Variants in SENP7 observed in about 807,000 individuals in gnomAD.
The protein encoded by SENP7 is SUMO specific peptidase 7.
In SENP7, 64 loss-of-function variants were observed where a neutral mutation model predicts 141.2. The observed-to-expected ratio is 0.45, with a 90% CI of 0.37 to 0.56. SENP7 has a LOEUF of 0.56. Among genes scored for constraint, SENP7 ranks in the 20% least tolerant of loss-of-function variants. The pLI is 0.00. For synonymous variants in SENP7, 382 were observed against 426.4 expected (o/e 0.90, Z 1.28); for missense variants, 1,025 against 1,212.2 (o/e 0.85, Z 2.29).
intron 3 of SENP7, among the ~76,000 whole-genome samples, chr3:101,487,224 C>T (rs2064766424): frequency 1.3e-5 from 2 of 151,786 alleles, no homozygotes; most frequent in African/African-American, 2.4e-5. Context: ...GACAGAAAGT[C>T]AAAAAAGACA....
chr3:101,372,336 G>C (rs1305361158), intron 6 of SENP7, among the ~76,000 whole-genome samples: 1 of 151,764 alleles, frequency 6.6e-6, no homozygotes, highest in Non-Finnish European at 1.5e-5. Flanking sequence ...GTGTGTTTAG[G>C]GGGAAAAAAA....
chr3:101,451,811 G>T (rs1390130760), intron 4 of SENP7, among the ~76,000 whole-genome samples: 1 of 152,188 alleles, frequency 6.6e-6, no homozygotes, highest in African/African-American at 2.4e-5. Context: ...ACAAGACAGG[G>T]ATGCCCTCTC....
At chr3:101,388,053 G>C (rs1460713351) in intron 6 of SENP7, among the ~76,000 whole-genome samples, 1 of 152,118 alleles carries the variant, frequency 6.6e-6, no homozygotes, top group Non-Finnish European at 1.5e-5. Context: ...ACACCCACTT[G>C]TGCAGTGCTT....
intron 22 of SENP7, 64 bp from the exon 23 acceptor site, chr3:101,327,880 C>T: frequency 7.6e-7 from 1 of 1,321,976 alleles, no homozygotes. Context: ...GCAACATTTT[C>T]AGAAAGGCGG....
intron 4 of SENP7, chr3:101,457,178 C>A: frequency 2.6e-6 from 3 of 1,149,126 alleles, no homozygotes; most frequent in South Asian, 1.2e-5. Context: ...AAAAAGTAGT[C>A]ATAATATAAA....
rs1040606060 is a variant in SENP7 at position 101,437,038 on chromosome 3, T to C, written c.285-19248A>G. On this transcript the variant is annotated intron_variant, in intron 4 of 23. Transcript: ENST00000394095. ...ATATACAATGGAGTATATTCAGCCA[T>C]AAAAGAAAATGAGATTCAATCATGT... 2.0e-5 allele frequency among the ~76,000 whole-genome samples: 3 copies of C among 152,248 alleles called. No homozygotes were observed. The East Asian group carries it at 5.8e-4, about 29-fold the overall frequency.
rs772959345 is a variant in SENP7 at position 101,366,756 on chromosome 3, T to C, written c.992A>G (p.Asp331Gly). The stretch of plus-strand genomic sequence containing the variant: ...AAACTCAGTGGATATTGTTGAGTCA[T>C]CTTCTTGTTTTTTCTAAACATAAAC... ...KSTEQTKKQE[D>G]DSTISTEFEK... Residue 331 changes from aspartate (D) to glycine (G), a missense_variant, in exon 9 of 24, where the codon GAT (aspartate) becomes GGT (glycine). Coordinates refer to ENST00000394095, the MANE Select transcript of SENP7 (RefSeq NM_020654.5). The C allele has an allele frequency of 6.3e-6, 10 of 1,580,248 alleles. 1 individual carries two copies. The highest frequency in any genetic ancestry group is 4.6e-5 in the South Asian group (4 of 86,100).
rs757165698 is a variant in SENP7, at chr3:101,501,152, G to A, written c.41-33C>T. ...AACCAAAGACGTGGTAAAAATTATC[G>A]TTTAACATCTAAATGAGATAAACAG... On this transcript the variant is annotated intron_variant, in intron 1 of 23. Coordinates refer to ENST00000394095, the MANE Select transcript of SENP7 (RefSeq NM_020654.5). 31 of 1,441,254 alleles carry A rather than the reference G, an allele frequency of 2.2e-5. No individual in the cohort carries two copies. The East Asian group carries it at 2.5e-4, about 12-fold the overall frequency. The allele number at this position is 1,441,254 out of a possible 1,614,324, so 89.3% of individuals were successfully genotyped here.
At chr3:101,502,883 T>C (rs2065446101) in intron 1 of SENP7, among the ~76,000 whole-genome samples, 1 of 151,264 alleles carries the variant, frequency 6.6e-6, no homozygotes, top group African/African-American at 2.4e-5. Context: ...AACACTGCAT[T>C]CCAGCCTGGG....
At chr3:101,449,969 T>C (rs4683906) in intron 4 of SENP7, among the ~76,000 whole-genome samples, 60,294 of 151,876 alleles carry the variant, frequency 0.4, 12,474 homozygotes, top group Admixed American at 0.54. Flanking sequence ...AGGAAACCCA[T>C]TTCACGTGCA....
At chr3:101,369,767 G>A (rs919922614) in intron 7 of SENP7, among the ~76,000 whole-genome samples, 1 of 152,136 alleles carries the variant, frequency 6.6e-6, no homozygotes, top group African/African-American at 2.4e-5. Context: ...TATCAGTCAA[G>A]CCTGTCTCAT....
chr3:101,441,314 C>A (rs1490651640), intron 4 of SENP7, among the ~76,000 whole-genome samples: 4 of 152,178 alleles, frequency 2.6e-5, no homozygotes, highest in African/African-American at 9.7e-5. Context: ...CTACAGCCAA[C>A]ACCCATGCAC....
At chr3:101,432,372 C>T (rs1398953208) in intron 4 of SENP7, among the ~76,000 whole-genome samples, 1 of 152,212 alleles carries the variant, frequency 6.6e-6, no homozygotes, top group East Asian at 1.9e-4. Flanking sequence ...TCTTGCCATC[C>T]TGAAGGGAAG....
At chr3:101,345,921 A>G (rs1010407283) in intron 13 of SENP7, among the ~76,000 whole-genome samples, 4 of 152,230 alleles carry the variant, frequency 2.6e-5, no homozygotes, top group African/African-American at 9.6e-5. Flanking sequence ...AATAGGTGGG[A>G]CTTAATTAAA....
chr3:101,347,998 C>G lies in SENP7; in HGVS notation c.1711G>C (p.Gly571Arg), dbSNP rs767893281. The G allele has an allele frequency of 6.2e-7, 1 of 1,611,484 alleles. No homozygotes were observed. The highest frequency in any genetic ancestry group is 8.5e-7 in the Non-Finnish European group (1 of 1,178,680). Residue 571 changes from glycine to arginine, a missense_variant, in exon 13 of 24, where the codon GGG (glycine) becomes CGG (arginine). Coordinates refer to ENST00000394095, the MANE Select transcript of SENP7 (RefSeq NM_020654.5). ...TTATCATCCTTACTTTTCCATAACC[C>G]AAACCGCTTTAAATGTGTGGTATCC... The part of the protein sequence containing the change: ...LVDTTHLKRF[G>R]LWKSKDDNHS...
At chr3:101,385,150 G>A (rs946530571) in intron 6 of SENP7, among the ~76,000 whole-genome samples, 1 of 152,044 alleles carries the variant, frequency 6.6e-6, no homozygotes, top group African/African-American at 2.4e-5. Context: ...GTGTGTGTGT[G>A]CATGTGTGTG....
At chr3:101,482,692 T>C (rs1032398502) in intron 3 of SENP7, among the ~76,000 whole-genome samples, 1 of 152,080 alleles carries the variant, frequency 6.6e-6, no homozygotes, top group Non-Finnish European at 1.5e-5. Flanking sequence ...GAGAGTGTGG[T>C]ATGGGTGAAA....
intron 5 of SENP7, among the ~76,000 whole-genome samples, chr3:101,413,781 C>T (rs1297649037): frequency 2.0e-5 from 3 of 150,154 alleles, no homozygotes; most frequent in Admixed American, 6.6e-5. Flanking sequence ...AGGATGTATA[C>T]AACAGTATAT....
At chr3:101,339,983 C>A in intron 16 of SENP7, 112 bp downstream of exon 16, 2 of 1,351,448 alleles carry the variant, frequency 1.5e-6, no homozygotes, top group South Asian at 1.8e-5. Flanking sequence ...AATCTGAAAT[C>A]TTGGCAGGCT....
Sources: allele counts gnomAD v4.1 joint callset (sites outside exome capture counted in the v4.1 genomes callset), GRCh38; gene constraint gnomAD v4.1.1; transcripts MANE v1.5; gene names NCBI Gene and HGNC (gene_info 2026-07-23, HGNC 2026-07-21).